The following ZNF221 variants were observed in gnomAD, a reference collection of about 807,000 sequenced individuals.
ZNF221 encodes the protein zinc finger protein 221.
Under a neutral mutation model 12.6 loss-of-function variants are expected in ZNF221, and 10 were observed. The ratio of observed to expected loss-of-function variants is 0.79; its 90% confidence interval spans 0.49 to 1.34. The LOEUF (loss-of-function observed/expected upper bound fraction) is 1.34. Among genes scored for constraint, ZNF221 ranks in the 40% most tolerant of loss-of-function variants. The pLI is 0.00. For missense variants in ZNF221, 661 were observed against 721.4 expected (o/e 0.92, Z 0.96); for synonymous variants, 232 against 244.0 (o/e 0.95, Z 0.46).
In ZNF221 at chr19:43,966,558, A is replaced by C. The variant is rs760034050; in HGVS notation, c.1056A>C (p.Ala352=). 1.7e-5 allele frequency: 28 copies of C among 1,614,058 alleles called. No individual in the cohort carries two copies. The highest frequency in any genetic ancestry group is 1.3e-5 in the Non-Finnish European group (15 of 1,180,032). The change falls in exon 5 of 5, where the codon GCA becomes GCC. Residue 352 remains alanine, a synonymous_variant. Coordinates refer to ENST00000587682, the MANE Select transcript of ZNF221 (RefSeq NM_001297588.2). ...GCAAGAACTTTCGTCAGAGATCAGC[A>C]CTTAATAGTCATTCCATGGTCCACA... ...TCGKNFRQRS[A]LNSHSMVHIE...
chr19:43,962,812 G>A lies in ZNF221; in HGVS notation c.81+5G>A, dbSNP rs866069705. 1 of 1,612,210 alleles carries A rather than the reference G, an allele frequency of 6.2e-7. No homozygotes were observed. The highest frequency in any genetic ancestry group is 8.5e-7 in the Non-Finnish European group (1 of 1,178,718). ...GGAAAAATGACCACATTCAAAGTGA[G>A]TAGGGCTTGCCTCTCTTGCTGTTAA... On this transcript the variant is annotated splice_donor_5th_base_variant and intron_variant, in intron 2 of 4. Coordinates refer to ENST00000587682, the MANE Select transcript of ZNF221 (RefSeq NM_001297588.2).
At chr19:43,972,922 T>TA in the ZNF221 span, among the ~76,000 whole-genome samples, 2 of 152,086 alleles carry the variant, frequency 1.3e-5, no homozygotes, top group African/African-American at 4.8e-5. Flanking sequence ...ATCATCCTGA[T>TA]ACCAAAATCT....
At chr19:43,964,845 A>C in intron 2 of ZNF221, 105 bp from the exon 3 acceptor site, 1 of 1,473,416 alleles carries the variant, frequency 6.8e-7, no homozygotes, top group East Asian at 2.3e-5. Context: ...ATCCCTCAAG[A>C]TCTAGGACAA....
chr19:43,954,710 C>T (rs1052402655), intron 1 of ZNF221, among the ~76,000 whole-genome samples: 23 of 152,034 alleles, frequency 1.5e-4, no homozygotes, highest in African/African-American at 5.3e-4. Context: ...CTGCTTCCAA[C>T]ACTTGTAGTT....
chr19:43,957,262 C>T (rs561065303), intron 1 of ZNF221, among the ~76,000 whole-genome samples: 1 of 152,146 alleles, frequency 6.6e-6, no homozygotes, highest in Non-Finnish European at 1.5e-5. Context: ...CTCACTGCAA[C>T]CTCTGCCTCC....
At chr19:43,960,346 A>G (rs2147337773) in intron 1 of ZNF221, 1 of 152,384 alleles carries the variant, frequency 6.6e-6, no homozygotes, top group Admixed American at 6.5e-5. Flanking sequence ...GTTGGAATTT[A>G]TATTTAAAAG....
rs541201349 is a variant in ZNF221, at chr19:43,952,166, C to G, written c.-3+766C>G. ...GGGATTACAGGCGTGAGCCACCGCG[C>G]CCGGCCGTCTTTGACCTCTTATTTA... On this transcript the variant is annotated intron_variant, in intron 1 of 4. Transcript: ENST00000587682. Among the ~76,000 whole-genome samples, 4 of 152,242 alleles carry G rather than the reference C, an allele frequency of 2.6e-5. No individual in the cohort carries two copies. The South Asian group carries it at 8.3e-4, about 32-fold the overall frequency.
downstream of ZNF221, among the ~76,000 whole-genome samples, chr19:43,971,725 T>C (rs1050881353): frequency 6.6e-6 from 1 of 151,770 alleles, no homozygotes; most frequent in Non-Finnish European, 1.5e-5. Context: ...TCTAAACATA[T>C]ATACGCACCC....
At chr19:43,975,479 G>T in the ZNF221 span, among the ~76,000 whole-genome samples, 1 of 152,160 alleles carries the variant, frequency 6.6e-6, no homozygotes, top group Admixed American at 6.6e-5. Context: ...ATAAGTGGGA[G>T]CTGAATGATG....
intron 4 of ZNF221, 94 bp from the exon 5 acceptor site, chr19:43,965,710 C>T: frequency 2.5e-6 from 3 of 1,182,030 alleles, no homozygotes; most frequent in Non-Finnish European, 3.6e-6. Context: ...TTCCTGTTTT[C>T]ATTAAAGTTT....
Position 43,966,593 on chromosome 19 carries a change from A to G in ZNF221, c.1091A>G (p.Lys364Arg). 6.2e-7 allele frequency: 1 copy of G among 1,614,230 alleles called. No homozygotes were observed. The highest frequency in any genetic ancestry group is 8.5e-7 in the Non-Finnish European group (1 of 1,180,032). The change falls in exon 5 of 5, where the codon AAG (lysine) becomes AGG (arginine). Residue 364 changes from lysine (K) to arginine (R), a missense_variant. Physicochemically the swap from Lys to Arg is conservative, Grantham distance 26. Coordinates refer to ENST00000587682, the MANE Select transcript of ZNF221 (RefSeq NM_001297588.2). ...CATTCCATGGTCCACATAGAAGAGA[A>G]GCCATACAAATGTGAGCAATGTGGA... ...NSHSMVHIEEKPYKCEQCGKG... is the reference protein window; with the variant it reads ...NSHSMVHIEERPYKCEQCGKG...
At chr19:43,961,685 G>T (rs2147339224) in intron 1 of ZNF221, 1 of 152,208 alleles carries the variant, frequency 6.6e-6, no homozygotes, top group Non-Finnish European at 1.5e-5. Flanking sequence ...ACTGCTTTTA[G>T]GTGTCACATT....
Position 43,962,779 on chromosome 19 carries a change from A to C in ZNF221, c.53A>C (p.Glu18Ala). 6.2e-7 allele frequency: 1 copy of C among 1,613,928 alleles called. No individual in the cohort carries two copies. The highest frequency in any genetic ancestry group is 1.1e-5 in the South Asian group (1 of 91,054). ...LLHSGLCKFP[E>A]VEGKMTTFKE... ...CATTCAGGACTCTGCAAATTCCCTG[A>C]AGTAGAAGGAAAAATGACCACATTC... Residue 18 changes from glutamate to alanine, a missense_variant, in exon 2 of 5, where the codon GAA (glutamate) becomes GCA (alanine). Physicochemically the swap from Glu to Ala is moderately radical, Grantham distance 107. Transcript: ENST00000587682.
rs534028537 is a variant in ZNF221 at position 43,951,934 on chromosome 19, C to T, written c.-3+534C>T. Among the ~76,000 whole-genome samples, 3 of 135,234 alleles carry T rather than the reference C, an allele frequency of 2.2e-5. No homozygotes were observed. The East Asian group carries it at 6.6e-4, about 30-fold the overall frequency. 88.7% of individuals were successfully genotyped at this position (135,234 alleles called of 152,430 possible). The stretch of plus-strand genomic sequence containing the variant: ...TGTCGCCCAGGCTGGAGTGCAGTGG[C>T]GCGATCTCGGCTCACTGCAGGCTCC... On this transcript the variant is annotated intron_variant, in intron 1 of 4. Transcript: ENST00000587682.
intron 1 of ZNF221, among the ~76,000 whole-genome samples, chr19:43,952,545 G>A (rs73933623): frequency 0.015 from 2,254 of 152,294 alleles, 55 homozygotes; most frequent in African/African-American, 0.052. Context: ...CTGCCATTTC[G>A]TCTATTAAAG....
chr19:43,981,477 A>C, the ZNF221 span, among the ~76,000 whole-genome samples: 1 of 152,330 alleles, frequency 6.6e-6, no homozygotes, highest in South Asian at 2.1e-4. Context: ...CAAATGTACA[A>C]GTGTATTTAT....
rs963082060 is a variant in ZNF221, at chr19:43,967,584, T to C, written c.*228T>C. 14 of 445,284 alleles carry C rather than the reference T, an allele frequency of 3.1e-5. No individual in the cohort carries two copies. Among genetic ancestry groups the C allele is most frequent in the Non-Finnish European group, 5.2e-5 (13 of 251,492 alleles). 27.6% of individuals were successfully genotyped at this position (445,284 alleles called of 1,614,324 possible). The stretch of plus-strand genomic sequence containing the variant: ...AGCTCCGCCTCCCAGGTTCACGCCA[T>C]TCTCCTGCCTCAGCCTCCCGAGTAG... On this transcript the variant is annotated 3_prime_UTR_variant, in exon 5 of 5. Coordinates refer to ENST00000587682, the MANE Select transcript of ZNF221 (RefSeq NM_001297588.2).
the ZNF221 span, chr19:43,976,733 A>G: frequency 2.6e-5 from 4 of 152,168 alleles, no homozygotes; most frequent in African/African-American, 9.7e-5. Flanking sequence ...TACCAAGAAC[A>G]TTTGTTGGAG....
chr19:43,965,992 C>T lies in ZNF221; in HGVS notation c.490C>T (p.His164Tyr). The change falls in exon 5 of 5, where the codon CAC becomes TAC. Residue 164 changes from histidine (H) to tyrosine (Y), a missense_variant. His to Tyr is a moderately conservative substitution (Grantham distance 83). Coordinates refer to ENST00000587682, the MANE Select transcript of ZNF221 (RefSeq NM_001297588.2). The part of the protein sequence containing the change: ...CQIEARLSIS[H>Y]VQQKPYRCNE... ...GATTGAGGCAAGACTATCTATAAGT[C>T]ACGTGCAACAGAAACCTTACCGTTG... The T allele has an allele frequency of 6.2e-7, 1 of 1,614,202 alleles. No individual in the cohort carries two copies. The highest frequency in any genetic ancestry group is 8.5e-7 in the Non-Finnish European group (1 of 1,180,026).
Sources: allele counts gnomAD v4.1 joint callset (sites outside exome capture counted in the v4.1 genomes callset), GRCh38; gene constraint gnomAD v4.1.1; transcripts MANE v1.5; gene names NCBI Gene and HGNC (gene_info 2026-07-23, HGNC 2026-07-21).